Variants in TRPC4 observed in about 807,000 individuals in gnomAD.
TRPC4 encodes the protein transient receptor potential cation channel subfamily C member 4.
TRPC4 carries 49 observed loss-of-function variants against 99.4 expected under a neutral mutation model. That is an observed-to-expected ratio of 0.49 (90% CI 0.39 to 0.63). The LOEUF (loss-of-function observed/expected upper bound fraction) is 0.63. Among genes scored for constraint, TRPC4 ranks in the 20% least tolerant of loss-of-function variants. TRPC4 has a pLI of 0.00. For missense variants in TRPC4, 898 were observed against 1,152.9 expected (o/e 0.78, Z 3.20); for synonymous variants, 454 against 425.9 (o/e 1.07, Z -0.81).
chr13:37,776,064 C>G (rs910008392), intron 2 of TRPC4, among the ~76,000 whole-genome samples: 28 of 151,696 alleles, frequency 1.8e-4, no homozygotes, highest in African/African-American at 6.3e-4. Context: ...CAGCATGATC[C>G]ATCTTTTAAG....
At chr13:37,819,801 C>T (rs1957962731) in intron 1 of TRPC4, among the ~76,000 whole-genome samples, 1 of 150,754 alleles carries the variant, frequency 6.6e-6, no homozygotes, top group African/African-American at 2.4e-5. Flanking sequence ...TAAACCTGCA[C>T]ATGTACCTCT....
intron 1 of TRPC4, among the ~76,000 whole-genome samples, chr13:37,783,593 A>G (rs1402427721): frequency 1.3e-5 from 2 of 152,160 alleles, no homozygotes; most frequent in Non-Finnish European, 1.5e-5. Context: ...CATTTGGTAA[A>G]CTATTTAAAA....
intron 2 of TRPC4, among the ~76,000 whole-genome samples, chr13:37,777,365 G>A (rs772552527): frequency 2.0e-5 from 3 of 151,888 alleles, no homozygotes; most frequent in Non-Finnish European, 2.9e-5. Context: ...GGCAGCGGGA[G>A]AGAGAAAGAG....
chr13:37,832,523 A>C (rs946407191), intron 1 of TRPC4, among the ~76,000 whole-genome samples: 2 of 152,198 alleles, frequency 1.3e-5, no homozygotes, highest in Non-Finnish European at 2.9e-5. Context: ...TAGGTGACAG[A>C]GCAAGACTCC....
intron 8 of TRPC4, among the ~76,000 whole-genome samples, chr13:37,645,914 G>A (rs1951849387): frequency 6.6e-6 from 1 of 152,182 alleles, no homozygotes; most frequent in African/African-American, 2.4e-5. Context: ...TTCATCAAAA[G>A]GCCCTGCCAA....
intron 3 of TRPC4, among the ~76,000 whole-genome samples, chr13:37,695,807 A>ACACTCT (rs1566103311): frequency 1.6e-4 from 24 of 151,908 alleles, no homozygotes; most frequent in Non-Finnish European, 3.5e-4. Flanking sequence ...ATCTAATCTC[A>ACACTCT]TTTTTACAAA....
intron 2 of TRPC4, among the ~76,000 whole-genome samples, chr13:37,776,009 T>G (rs1956691223): frequency 6.6e-6 from 1 of 151,800 alleles, no homozygotes; most frequent in Non-Finnish European, 1.5e-5. Flanking sequence ...AATATATGAG[T>G]CAGAATAGCC....
At chr13:37,855,441 T>C (rs1356606911) in intron 1 of TRPC4, among the ~76,000 whole-genome samples, 1 of 151,274 alleles carries the variant, frequency 6.6e-6, no homozygotes, top group East Asian at 1.9e-4. Context: ...AGCTGGAGAT[T>C]TCAACATCCC....
At chr13:37,795,754 T>G (rs193112524) in intron 1 of TRPC4, among the ~76,000 whole-genome samples, 401 of 152,286 alleles carry the variant, frequency 2.6e-3, no homozygotes, top group African/African-American at 9.3e-3. Context: ...TTCAAAATTT[T>G]TGTTACTTCA....
chr13:37,807,954 G>C (rs1324467093), intron 1 of TRPC4, among the ~76,000 whole-genome samples: 1 of 152,058 alleles, frequency 6.6e-6, no homozygotes, highest in Admixed American at 6.6e-5. Flanking sequence ...GGTCATAGGA[G>C]ATGTCAGACA....
intron 1 of TRPC4, among the ~76,000 whole-genome samples, chr13:37,850,051 G>C (rs1190414781): frequency 2.0e-5 from 3 of 152,128 alleles, no homozygotes; most frequent in Non-Finnish European, 2.9e-5. Flanking sequence ...CATGTGATCT[G>C]GTCTAATACA....
intron 1 of TRPC4, among the ~76,000 whole-genome samples, chr13:37,818,137 T>C (rs996886823): frequency 1.1e-4 from 17 of 151,640 alleles, no homozygotes; most frequent in African/African-American, 3.9e-4. Context: ...AAGTCTAGTA[T>C]CCAGCATCTG....
At chr13:37,844,069 A>C (rs1257655490) in intron 1 of TRPC4, among the ~76,000 whole-genome samples, 1 of 152,206 alleles carries the variant, frequency 6.6e-6, no homozygotes, top group Non-Finnish European at 1.5e-5. Flanking sequence ...GAACCCTTTC[A>C]GGAGACTGAT....
At chr13:37,861,616 T>C (rs1396683679) in intron 1 of TRPC4, among the ~76,000 whole-genome samples, 1 of 151,626 alleles carries the variant, frequency 6.6e-6, no homozygotes, top group Non-Finnish European at 1.5e-5. Flanking sequence ...CTTTTATTCA[T>C]GAAAGGGCAA....
At chr13:37,762,567 T>G (rs1213346267) in intron 2 of TRPC4, among the ~76,000 whole-genome samples, 2 of 151,336 alleles carry the variant, frequency 1.3e-5, no homozygotes, top group Admixed American at 6.6e-5. Flanking sequence ...GTCCTTTGTA[T>G]GGACATGGAT....
In TRPC4 at chr13:37,746,415, G is replaced by A; in HGVS notation, c.419C>T (p.Thr140Ile). 6.2e-7 allele frequency: 1 copy of A among 1,612,302 alleles called. No homozygotes were observed. The highest frequency in any genetic ancestry group is 1.3e-5 in the African/African-American group (1 of 74,590). The part of the protein sequence containing the change: ...ILLDKQFSEF[T>I]PDITPIILAA... The stretch of plus-strand genomic sequence containing the variant: ...CAAAATGATTGGTGTAATGTCTGGA[G>A]TGAATTCAGAGAACTGCTTATCAAG... The change falls in exon 3 of 11, where the codon ACT becomes ATT. Residue 140 changes from threonine to isoleucine, a missense_variant. Physicochemically the swap from Thr to Ile is moderately conservative, Grantham distance 89. Coordinates refer to ENST00000379705, the MANE Select transcript of TRPC4 (RefSeq NM_016179.4).
At chr13:37,663,174 A>C (rs1334559255) in intron 6 of TRPC4, among the ~76,000 whole-genome samples, 1 of 152,208 alleles carries the variant, frequency 6.6e-6, no homozygotes, top group Non-Finnish European at 1.5e-5. Context: ...TTTCTTTTTC[A>C]TGAAGTCATT....
At chr13:37,760,845 A>G (rs940529476) in intron 2 of TRPC4, among the ~76,000 whole-genome samples, 8 of 152,004 alleles carry the variant, frequency 5.3e-5, no homozygotes, top group Admixed American at 5.3e-4. Flanking sequence ...TGATGCATCC[A>G]GTATAAATAA....
intron 1 of TRPC4, among the ~76,000 whole-genome samples, chr13:37,829,862 T>C (rs2139587415): frequency 6.6e-6 from 1 of 152,278 alleles, no homozygotes; most frequent in Admixed American, 6.5e-5. Flanking sequence ...GAAGACATTA[T>C]TCTAAGTTAG....
Sources: gnomAD v4.1 joint callset for allele counts (sites outside exome capture counted in the v4.1 genomes callset) on GRCh38, gnomAD v4.1.1 for gene constraint, MANE v1.5 for transcripts, NCBI Gene and HGNC (gene_info 2026-07-23, HGNC 2026-07-21) for gene names.